The following CXCL13 variants were observed in gnomAD, a reference collection of about 807,000 sequenced individuals.
The protein encoded by CXCL13 is C-X-C motif chemokine 13.
CXCL13 carries 7 observed loss-of-function variants against 12.2 expected under a neutral mutation model. That is an observed-to-expected ratio of 0.57 (90% CI 0.33 to 1.07). The LOEUF is 1.07. CXCL13 is among the 50% of genes least tolerant of loss of function. CXCL13 has a pLI of 0.04. For synonymous variants in CXCL13, 47 were observed against 42.4 expected (o/e 1.11, Z -0.42); for missense variants, 113 against 127.4 (o/e 0.89, Z 0.55).
intron 1 of CXCL13, among the ~76,000 whole-genome samples, chr4:77,515,858 G>C (rs1450985831): frequency 2.6e-5 from 4 of 152,180 alleles, no homozygotes; most frequent in Non-Finnish European, 5.9e-5. Context: ...AATGGGAGTG[G>C]TGAGAGAGGG....
At chr4:77,562,394 A>C (rs971930450) in intron 1 of CXCL13, among the ~76,000 whole-genome samples, 3 of 152,184 alleles carry the variant, frequency 2.0e-5, no homozygotes, top group Admixed American at 2.0e-4. Context: ...AGGTGAAGCC[A>C]GCTGGGCTCC....
At chr4:77,543,967 A>G (rs1240807085) in intron 1 of CXCL13, among the ~76,000 whole-genome samples, 2 of 152,038 alleles carry the variant, frequency 1.3e-5, no homozygotes, top group Non-Finnish European at 2.9e-5. Flanking sequence ...CTCATTGTTT[A>G]ATTCCCACCT....
chr4:77,594,960 A>G (rs1487153809), intron 1 of CXCL13, among the ~76,000 whole-genome samples: 1 of 152,124 alleles, frequency 6.6e-6, no homozygotes, highest in East Asian at 1.9e-4. Context: ...ATACAGAAAA[A>G]TAGAGGGAAA....
chr4:77,562,385 G>A (rs542069637), intron 1 of CXCL13, among the ~76,000 whole-genome samples: 2 of 152,138 alleles, frequency 1.3e-5, no homozygotes, highest in East Asian at 3.9e-4. Context: ...GGATCCACCA[G>A]GTGAAGCCAG....
chr4:77,528,166 A>T (rs1724813865), intron 1 of CXCL13, among the ~76,000 whole-genome samples: 1 of 152,090 alleles, frequency 6.6e-6, no homozygotes, highest in South Asian at 2.1e-4. Context: ...CATTTTCTTA[A>T]TCCAGTCTAT....
chr4:77,587,477 A>T (rs1463863145), intron 1 of CXCL13, among the ~76,000 whole-genome samples: 1 of 152,226 alleles, frequency 6.6e-6, no homozygotes, highest in Non-Finnish European at 1.5e-5. Context: ...TTAGGGGTAG[A>T]TACAATACTG....
intron 1 of CXCL13, among the ~76,000 whole-genome samples, chr4:77,539,811 C>A (rs1042834190): frequency 1.3e-5 from 2 of 152,094 alleles, no homozygotes. Flanking sequence ...AGTTAACAAC[C>A]GCCTTACCAT....
At chr4:77,569,970 G>A (rs1253183493) in intron 1 of CXCL13, among the ~76,000 whole-genome samples, 1 of 152,114 alleles carries the variant, frequency 6.6e-6, no homozygotes, top group African/African-American at 2.4e-5. Flanking sequence ...AAATAAGGCA[G>A]CATGCCTACA....
At chr4:77,531,619 T>C (rs1724920170) in intron 1 of CXCL13, among the ~76,000 whole-genome samples, 1 of 152,156 alleles carries the variant, frequency 6.6e-6, no homozygotes. Flanking sequence ...TTCTGTCTCA[T>C]TGATCTGTCT....
intron 1 of CXCL13, among the ~76,000 whole-genome samples, chr4:77,525,316 T>G (rs887946649): frequency 1.3e-5 from 2 of 152,246 alleles, no homozygotes; most frequent in African/African-American, 4.8e-5. Flanking sequence ...ATAATAATTC[T>G]TTATGTTTCC....
chr4:77,545,450 A>G (rs934206361), intron 1 of CXCL13, among the ~76,000 whole-genome samples: 8 of 152,148 alleles, frequency 5.3e-5, no homozygotes, highest in South Asian at 2.1e-4. Flanking sequence ...TTCTCCTTGA[A>G]GAGGTCCTTC....
At chr4:77,530,561 T>C (rs1213735567) in intron 1 of CXCL13, among the ~76,000 whole-genome samples, 1 of 152,218 alleles carries the variant, frequency 6.6e-6, no homozygotes, top group Non-Finnish European at 1.5e-5. Context: ...GTTTATTTCA[T>C]AGAGGTGTTT....
rs77787446 is a variant in CXCL13, at chr4:77,535,845, A to C, written c.-43+24057A>C. 2.0e-4 allele frequency among the ~76,000 whole-genome samples: 30 copies of C among 152,328 alleles called. No homozygotes were observed. In the East Asian group the frequency reaches 5.6e-3, roughly 28 times the overall value. ...GATGTAAAGCCACCTTCAGCATTTGAGTGCCAGATAAGATTCTAAACATTG... is the reference window on the plus strand; with the variant it reads ...GATGTAAAGCCACCTTCAGCATTTGCGTGCCAGATAAGATTCTAAACATTG... On this transcript the variant is annotated intron_variant, in intron 1 of 4. Coordinates refer to the CXCL13 transcript ENST00000286758.
intron 1 of CXCL13, among the ~76,000 whole-genome samples, chr4:77,533,192 T>A (rs1179556146): frequency 6.6e-6 from 1 of 152,196 alleles, no homozygotes; most frequent in Non-Finnish European, 1.5e-5. Context: ...TTGATGATGG[T>A]GAAGTACAGA....
chr4:77,586,643 T>C (rs355689), intron 1 of CXCL13, among the ~76,000 whole-genome samples: 47,171 of 151,984 alleles, frequency 0.31, 8,451 homozygotes, highest in African/African-American at 0.48. Context: ...TCTCTGACAG[T>C]GGAGAAATAA....
intron 1 of CXCL13, among the ~76,000 whole-genome samples, chr4:77,575,429 A>C (rs2109821378): frequency 6.6e-6 from 1 of 151,946 alleles, no homozygotes. Flanking sequence ...TAGTTCTCCT[A>C]ACGCTATCCC....
At chr4:77,517,111 G>A (rs978334761) in intron 1 of CXCL13, among the ~76,000 whole-genome samples, 4 of 152,130 alleles carry the variant, frequency 2.6e-5, no homozygotes, top group South Asian at 2.1e-4. Flanking sequence ...ATATAGTTGA[G>A]TGGTTTTGAG....
chr4:77,545,195 T>C (rs999918641), intron 1 of CXCL13, among the ~76,000 whole-genome samples: 1 of 152,188 alleles, frequency 6.6e-6, no homozygotes. Flanking sequence ...CCTCCAGCTT[T>C]GTTCTTTTGG....
At chr4:77,549,585 G>T (rs1725457914) in intron 1 of CXCL13, among the ~76,000 whole-genome samples, 1 of 152,216 alleles carries the variant, frequency 6.6e-6, no homozygotes, top group Non-Finnish European at 1.5e-5. Flanking sequence ...ACTTCTAACA[G>T]TCAGGACCCT....
Sources: allele counts gnomAD v4.1 joint callset (sites outside exome capture counted in the v4.1 genomes callset), GRCh38; gene constraint gnomAD v4.1.1; transcripts MANE v1.5; gene names NCBI Gene and HGNC (gene_info 2026-07-23, HGNC 2026-07-21).